Variants in MEGF11 observed in about 807,000 individuals in gnomAD.
MEGF11 encodes the protein multiple EGF like domains 11, also known as multiple epidermal growth factor-like domains protein 11.
In MEGF11, 126 loss-of-function variants were observed where a neutral mutation model predicts 146.6. That is an observed-to-expected ratio of 0.86 (90% confidence interval 0.74 to 1.00). The LOEUF is 1.00. Ranked by LOEUF, MEGF11 falls within the 50% of genes least tolerant of loss-of-function variation. MEGF11 has a pLI of 0.00. For missense variants in MEGF11, 1,509 were observed against 1,521.2 expected, an observed-to-expected ratio of 0.99 and a Z score of 0.13; for synonymous variants, 532 against 583.4, an observed-to-expected ratio of 0.91 and a Z score of 1.27.
intron 1 of MEGF11, among the ~76,000 whole-genome samples, chr15:66,211,356 T>C (rs28701902): frequency 0.21 from 31,465 of 151,686 alleles, 3,825 homozygotes; most frequent in Middle Eastern, 0.31. Context: ...ACCCCGTCTC[T>C]ACTAAAAATA....
chr15:66,034,389 G>A (rs897554162), intron 5 of MEGF11, among the ~76,000 whole-genome samples: 5 of 130,260 alleles, frequency 3.8e-5, no homozygotes, highest in African/African-American at 1.4e-4. Flanking sequence ...GGGTTGGGGT[G>A]GAATGCTGGT....
chr15:66,081,354 G>A (rs1340131879), intron 5 of MEGF11, among the ~76,000 whole-genome samples: 1 of 152,140 alleles, frequency 6.6e-6, no homozygotes, highest in Non-Finnish European at 1.5e-5. Flanking sequence ...CTGTCACAGT[G>A]GAAATAGCCC....
chr15:66,075,065 A>G, intron 5 of MEGF11, among the ~76,000 whole-genome samples: 1 of 152,210 alleles, frequency 6.6e-6, no homozygotes, highest in South Asian at 2.1e-4. Context: ...GGTATTGCAA[A>G]TATCTTCTCC....
intron 5 of MEGF11, among the ~76,000 whole-genome samples, chr15:65,996,133 C>T (rs188023611): frequency 1.3e-5 from 2 of 152,150 alleles, no homozygotes; most frequent in Non-Finnish European, 2.9e-5. Context: ...GAAGACACAT[C>T]CCCTCTTTGG....
chr15:65,908,917 C>T (rs1416198446), intron 23 of MEGF11, 117 bp downstream of exon 23: 1 of 639,748 alleles, frequency 1.6e-6, no homozygotes, highest in African/African-American at 1.8e-5. Flanking sequence ...GGGAAGAGGG[C>T]TTAAAAGGGA....
At chr15:65,945,713 C>T (rs1413243924) in intron 10 of MEGF11, among the ~76,000 whole-genome samples, 2 of 152,174 alleles carry the variant, frequency 1.3e-5, no homozygotes, top group African/African-American at 4.8e-5. Context: ...ACGGACACCT[C>T]CCCTGAGCTG....
chr15:66,200,830 C>T (rs2091139724), intron 1 of MEGF11, among the ~76,000 whole-genome samples: 1 of 152,072 alleles, frequency 6.6e-6, no homozygotes, highest in Non-Finnish European at 1.5e-5. Flanking sequence ...TGGTGAATCG[C>T]CTCTGAGGTT....
intron 7 of MEGF11, among the ~76,000 whole-genome samples, chr15:65,973,278 A>G (rs1367527814): frequency 6.6e-6 from 1 of 152,228 alleles, no homozygotes; most frequent in Non-Finnish European, 1.5e-5. Context: ...AGAGTTAAAG[A>G]GTTCAGACTG....
chr15:65,952,714 C>T (rs1156621416), intron 10 of MEGF11, among the ~76,000 whole-genome samples: 4 of 152,306 alleles, frequency 2.6e-5, no homozygotes, highest in South Asian at 2.1e-4. Context: ...CCACTGTTTC[C>T]GATGGGCAGG....
At position 66,228,946 on chromosome 15, in the gene MEGF11, C is replaced by T. The variant is rs2091908195; in HGVS notation, c.-9+24659G>A. On this transcript the variant is annotated intron_variant, in intron 1 of 25. Transcript: ENST00000395614. Reference sequence around the variant, plus strand: ...CACAGGCAGTCCTCTCTACACAGCGCCCTCTCCAAGTCCCTGCAGACCTGG... The same window carrying T: ...CACAGGCAGTCCTCTCTACACAGCGTCCTCTCCAAGTCCCTGCAGACCTGG... Among the ~76,000 whole-genome samples the T allele has an allele frequency of 2.0e-5, 3 of 152,108 alleles. No homozygotes were observed. In the South Asian group the frequency reaches 6.2e-4, roughly 32 times the overall value.
chr15:66,221,123 A>T lies in MEGF11; in HGVS notation c.-9+32482T>A, dbSNP rs192260442. 1.9e-4 allele frequency among the ~76,000 whole-genome samples: 28 copies of T among 150,992 alleles called. No individual in the cohort carries two copies. The East Asian group carries it at 2.3e-3, about 13-fold the overall frequency. ...AAAATGATTTCAAATTTAAAAAAAAATTTTTTTTTTAATCCACAGGGATGG... is the reference window on the plus strand; with the variant it reads ...AAAATGATTTCAAATTTAAAAAAAATTTTTTTTTTTAATCCACAGGGATGG... On this transcript the variant is annotated intron_variant, in intron 1 of 25. Transcript: ENST00000395614.
intron 1 of MEGF11, among the ~76,000 whole-genome samples, chr15:66,136,041 G>T (rs931096725): frequency 6.6e-6 from 1 of 151,998 alleles, no homozygotes; most frequent in Non-Finnish European, 1.5e-5. Context: ...TCAGGTTTGC[G>T]CCATCTCCCA....
Position 65,915,611 on chromosome 15 carries a change from AAGAGTT to A in MEGF11, c.2345-19_2345-14del, listed in dbSNP as rs1293853704. 6.2e-7 allele frequency: 1 copy of A among 1,613,408 alleles called. No homozygotes were observed. On this transcript the variant is annotated splice_polypyrimidine_tract_variant and intron_variant, in intron 18 of 25. Coordinates refer to ENST00000395614, the MANE Select transcript of MEGF11 (RefSeq NM_001385028.1). ...CCTGGGGCACATCCTGTGTGGCACA[AAGAGTT>A]AGGGTAGAGGACCCACTCACTCTCC...
intron 24 of MEGF11, chr15:65,901,846 CTGT>C (rs777928124): frequency 5.3e-5 from 8 of 152,166 alleles, no homozygotes; most frequent in Middle Eastern, 3.4e-3. Context: ...GCAGAAAGGA[CTGT>C]TGTTTCTACT....
At chr15:66,044,834 C>A (rs1400641882) in intron 5 of MEGF11, among the ~76,000 whole-genome samples, 1 of 106,868 alleles carries the variant, frequency 9.4e-6, no homozygotes, top group Admixed American at 1.3e-4. Flanking sequence ...GCCTGGATGA[C>A]AGTGAGACCT....
chr15:66,006,079 A>G (rs1299247438), intron 5 of MEGF11, among the ~76,000 whole-genome samples: 1 of 152,250 alleles, frequency 6.6e-6, no homozygotes, highest in Non-Finnish European at 1.5e-5. Flanking sequence ...AGTATTCATC[A>G]TCTGCAAAAT....
intron 5 of MEGF11, among the ~76,000 whole-genome samples, chr15:66,031,988 G>A (rs2083538823): frequency 6.6e-6 from 1 of 152,224 alleles, no homozygotes; most frequent in South Asian, 2.1e-4. Context: ...ATCAGTGGTG[G>A]CATTAGATTC....
chr15:66,107,538 G>A (rs1203221148), intron 4 of MEGF11, among the ~76,000 whole-genome samples: 3 of 152,152 alleles, frequency 2.0e-5, no homozygotes, highest in Non-Finnish European at 4.4e-5. Context: ...TGGGTTCTGC[G>A]ACAGTAAGCT....
chr15:66,004,548 A>C (rs1467015650), intron 5 of MEGF11, among the ~76,000 whole-genome samples: 1 of 152,098 alleles, frequency 6.6e-6, no homozygotes, highest in East Asian at 1.9e-4. Flanking sequence ...ATATTTAATA[A>C]TTTTAAAAAG....
Sources: allele counts gnomAD v4.1 joint callset (sites outside exome capture counted in the v4.1 genomes callset), GRCh38; gene constraint gnomAD v4.1.1; transcripts MANE v1.5; gene names NCBI Gene and HGNC (gene_info 2026-07-23, HGNC 2026-07-21).